Variants in RGS7 observed in about 807,000 individuals in gnomAD.
The protein encoded by RGS7 is regulator of G-protein signaling 7.
A neutral mutation model predicts 81.1 loss-of-function variants in RGS7; 27 were observed. The observed-to-expected ratio is 0.33, with a 90% CI of 0.25 to 0.46. The LOEUF (loss-of-function observed/expected upper bound fraction) is 0.46, where lower values mean the gene tolerates loss of function less well. Ranked by LOEUF, RGS7 falls within the 20% of genes least tolerant of loss-of-function variation. The pLI, the probability that RGS7 is intolerant of heterozygous loss-of-function variation, is 1.00. For synonymous variants in RGS7, 208 were observed against 207.7 expected, an observed-to-expected ratio of 1.00 and a Z score of -0.01; for missense variants, 396 against 607.4, an observed-to-expected ratio of 0.65 and a Z score of 3.66.
At chr1:241,246,239 G>A (rs1441122965) in intron 2 of RGS7, among the ~76,000 whole-genome samples, 8 of 152,158 alleles carry the variant, frequency 5.3e-5, no homozygotes, top group South Asian at 2.1e-4. Flanking sequence ...GGAAAGGTAT[G>A]TAGGCCACAG....
chr1:241,033,744 G>C (rs1274703816), intron 3 of RGS7, among the ~76,000 whole-genome samples: 1 of 151,950 alleles, frequency 6.6e-6, no homozygotes, highest in Non-Finnish European at 1.5e-5. Flanking sequence ...AAATTTATTT[G>C]TTCACAATAT....
At chr1:240,933,149 T>A (rs557769493) in intron 5 of RGS7, among the ~76,000 whole-genome samples, 1 of 151,720 alleles carries the variant, frequency 6.6e-6, no homozygotes, top group Non-Finnish European at 1.5e-5. Context: ...CACAAAGTGC[T>A]GGGATTACAG....
rs1553414829 is a variant in RGS7, at chr1:241,089,092, T to TATAC, written c.175+9573_175+9574insGTAT. Among the ~76,000 whole-genome samples, 868 of 99,990 alleles carry TATAC rather than the reference T, an allele frequency of 8.7e-3. 71 individuals carry two copies. The highest frequency in any genetic ancestry group is 0.014 in the African/African-American group (312 of 22,350). The allele number at this position is 99,990 out of a possible 152,430, so 65.6% of individuals were successfully genotyped here. On this transcript the variant is annotated intron_variant, in intron 3 of 18. Coordinates refer to ENST00000440928, the MANE Select transcript of RGS7 (RefSeq NM_001364886.1). ...ATATATATATATATATATATATATA[T>TATAC]ATATACTGGCTTAGACCTAAGGTGA...
rs578112378 is a variant in RGS7, at chr1:241,144,967, G to T, written c.79-46205C>A. On this transcript the variant is annotated intron_variant, in intron 2 of 18. Coordinates refer to ENST00000440928, the MANE Select transcript of RGS7 (RefSeq NM_001364886.1). The surrounding 1 kb of genome is among the most constrained non-coding windows in gnomAD (Gnocchi z 4.7). ...TGTGTGTGTGTGTGTGTGTGTGTTC[G>T]TGTTCATTCTTCCTGTTCCTGTTTT... Among the ~76,000 whole-genome samples the T allele has an allele frequency of 2.5e-4, 36 of 146,572 alleles. 1 individual carries two copies. Among genetic ancestry groups the T allele is most frequent in the Middle Eastern group, 3.5e-3 (1 of 288 alleles).
Position 241,312,920 on chromosome 1 carries a change from G to A in RGS7, c.78+42779C>T, listed in dbSNP as rs181554871. ...AAAAGTGCTACTCCAGTGAACACAC[G>A]AATGATAAGAGAGTGAAACGGCCTT... On this transcript the variant is annotated intron_variant, in intron 2 of 18. Coordinates refer to ENST00000440928, the MANE Select transcript of RGS7 (RefSeq NM_001364886.1). Among the ~76,000 whole-genome samples the A allele has an allele frequency of 7.6e-4, 115 of 152,198 alleles. 1 individual carries two copies. Among genetic ancestry groups the A allele is most frequent in the African/African-American group, 2.5e-3 (105 of 41,528 alleles).
intron 2 of RGS7, among the ~76,000 whole-genome samples, chr1:241,250,792 C>T (rs1317809119): frequency 6.6e-6 from 1 of 152,130 alleles, no homozygotes; most frequent in Non-Finnish European, 1.5e-5. Context: ...CCTGTATAAA[C>T]CAAGAAATAT....
chr1:240,942,571 TAA>T (rs1444256135), intron 4 of RGS7, among the ~76,000 whole-genome samples: 3 of 152,274 alleles, frequency 2.0e-5, no homozygotes, highest in African/African-American at 7.2e-5. Context: ...CAACACAGTA[TAA>T]GTATCAGTAG....
At chr1:240,978,522 G>A (rs1357413614) in intron 4 of RGS7, among the ~76,000 whole-genome samples, 1 of 152,116 alleles carries the variant, frequency 6.6e-6, no homozygotes. Flanking sequence ...TCTGTAAAGG[G>A]CTGAATCGGC....
At chr1:241,022,120 C>T (rs1239601259) in intron 3 of RGS7, among the ~76,000 whole-genome samples, 3 of 152,158 alleles carry the variant, frequency 2.0e-5, no homozygotes, top group Non-Finnish European at 4.4e-5. Context: ...TATTCAAAAC[C>T]TCATTATTCC....
chr1:241,072,104 C>T (rs1443517633), intron 3 of RGS7, among the ~76,000 whole-genome samples: 1 of 152,004 alleles, frequency 6.6e-6, no homozygotes, highest in Non-Finnish European at 1.5e-5. Context: ...GGTACATATA[C>T]CTTGAAAGAC....
At chr1:241,098,228 T>A (rs146379109) in intron 3 of RGS7, among the ~76,000 whole-genome samples, 1 of 152,302 alleles carries the variant, frequency 6.6e-6, no homozygotes, top group Non-Finnish European at 1.5e-5. Context: ...GTGAGCACAG[T>A]TGGTGGTGAC....
intron 18 of RGS7, among the ~76,000 whole-genome samples, chr1:240,798,270 T>C (rs1336467654): frequency 6.6e-6 from 1 of 152,194 alleles, no homozygotes; most frequent in East Asian, 1.9e-4. Flanking sequence ...TCTAAAGTGC[T>C]AGTAAGTATT....
intron 3 of RGS7, among the ~76,000 whole-genome samples, chr1:241,002,060 G>T (rs947948723): frequency 6.6e-6 from 1 of 152,124 alleles, no homozygotes; most frequent in African/African-American, 2.4e-5. Flanking sequence ...TAGTGGAAAA[G>T]ACTGAGGTAT....
intron 3 of RGS7, among the ~76,000 whole-genome samples, chr1:240,997,501 AT>A (rs888631495): frequency 9.2e-5 from 14 of 152,182 alleles, no homozygotes; most frequent in African/African-American, 3.4e-4. Flanking sequence ...ACGTTGTTAC[AT>A]TTTTTTCTTC....
At chr1:241,230,250 A>G (rs952362266) in intron 2 of RGS7, among the ~76,000 whole-genome samples, 3 of 152,150 alleles carry the variant, frequency 2.0e-5, no homozygotes, top group Non-Finnish European at 2.9e-5. Flanking sequence ...GTCTTACTCC[A>G]TAGCCCAGGC....
chr1:241,335,196 G>A (rs1361565355), intron 2 of RGS7, among the ~76,000 whole-genome samples: 1 of 152,154 alleles, frequency 6.6e-6, no homozygotes, highest in Non-Finnish European at 1.5e-5. Context: ...GGTATCTTGA[G>A]GAGCTAGCAT....
chr1:241,152,086 T>A, intron 2 of RGS7, among the ~76,000 whole-genome samples: 3 of 142,008 alleles, frequency 2.1e-5, no homozygotes, highest in Admixed American at 7.3e-5. Context: ...TTCCAATGAG[T>A]GAAAATGAAA....
intron 15 of RGS7, among the ~76,000 whole-genome samples, chr1:240,804,129 G>T (rs562831043): frequency 6.9e-4 from 105 of 152,158 alleles, no homozygotes; most frequent in South Asian, 5.0e-3. Flanking sequence ...TTACAAATGG[G>T]ATAAATATAG....
intron 2 of RGS7, among the ~76,000 whole-genome samples, chr1:241,182,942 TTC>T (rs1309225203): frequency 1.4e-5 from 2 of 143,856 alleles, no homozygotes; most frequent in African/African-American, 4.9e-5. Context: ...CCAAACGTTT[TTC>T]TTTTTTTTTT....
Sources: allele counts gnomAD v4.1 joint callset (sites outside exome capture counted in the v4.1 genomes callset), GRCh38; gene constraint gnomAD v4.1.1; non-coding constraint Gnocchi (gnomAD v3.1); transcripts MANE v1.5; gene names NCBI Gene and HGNC (gene_info 2026-07-23, HGNC 2026-07-21).